NCOA2: variants seen among roughly 807,000 people sequenced by gnomAD.
NCOA2 encodes the protein class E basic helix-loop-helix protein 75.
NCOA2 carries 21 observed loss-of-function variants against 145.1 expected under a neutral mutation model. The ratio of observed to expected loss-of-function variants is 0.14; its 90% CI spans 0.10 to 0.21. The LOEUF (loss-of-function observed/expected upper bound fraction) is 0.21. Among genes scored for constraint, NCOA2 ranks in the 10% least tolerant of loss-of-function variants. The pLI is 1.00. For missense variants in NCOA2, 1,472 were observed against 1,837.6 expected, an observed-to-expected ratio of 0.80 and a Z score of 3.64; for synonymous variants, 619 against 637.5, an observed-to-expected ratio of 0.97 and a Z score of 0.44.
At chr8:70,255,922 T>G (rs1051825041) in intron 2 of NCOA2, among the ~76,000 whole-genome samples, 24 of 152,206 alleles carry the variant, frequency 1.6e-4, no homozygotes, top group Non-Finnish European at 2.8e-4. Flanking sequence ...GCTTGCTACA[T>G]GAATGGAAGC....
chr8:70,114,316 G>A (rs1447464244), intron 22 of NCOA2, among the ~76,000 whole-genome samples: 3 of 152,190 alleles, frequency 2.0e-5, no homozygotes. Flanking sequence ...GTGAGGCACT[G>A]CACCCGGCCT....
chr8:70,141,434 T>A (rs116409269), intron 13 of NCOA2, 35 bp from the exon 14 acceptor site: 1 of 1,566,102 alleles, frequency 6.4e-7, no homozygotes, highest in Non-Finnish European at 8.8e-7. Flanking sequence ...AGAGATGCAG[T>A]AACTGAAAAC....
intron 1 of NCOA2, among the ~76,000 whole-genome samples, chr8:70,298,442 T>C (rs1827243049): frequency 6.6e-6 from 1 of 152,148 alleles, no homozygotes; most frequent in African/African-American, 2.4e-5. Flanking sequence ...AAATAAGAAG[T>C]TATCACAGTA....
intron 1 of NCOA2, among the ~76,000 whole-genome samples, chr8:70,314,265 A>G (rs1323179283): frequency 6.6e-6 from 1 of 151,560 alleles, no homozygotes; most frequent in Admixed American, 6.6e-5. Context: ...AAAGTACAGA[A>G]TGCCACAAAG....
chr8:70,319,747 A>AC (rs1360158003), intron 1 of NCOA2, among the ~76,000 whole-genome samples: 7 of 152,180 alleles, frequency 4.6e-5, no homozygotes, highest in African/African-American at 1.4e-4. Context: ...ATGCAAGCAT[A>AC]CTTTCTTTAA....
chr8:70,239,220 G>C (rs1821912766), intron 2 of NCOA2, among the ~76,000 whole-genome samples: 1 of 152,042 alleles, frequency 6.6e-6, no homozygotes, highest in African/African-American at 2.4e-5. Flanking sequence ...AGGACAGAAG[G>C]GGCCTCAAAC....
chr8:70,343,138 TA>T (rs1808300883), intron 1 of NCOA2, among the ~76,000 whole-genome samples: 2 of 152,166 alleles, frequency 1.3e-5, no homozygotes, highest in African/African-American at 4.8e-5. Flanking sequence ...CATAGGTTAG[TA>T]AAAAGTTTCA....
At chr8:70,388,678 A>G (rs1270787982) in intron 1 of NCOA2, among the ~76,000 whole-genome samples, 1 of 151,556 alleles carries the variant, frequency 6.6e-6, no homozygotes, top group Non-Finnish European at 1.5e-5. Flanking sequence ...TAAACAAACA[A>G]ACCTGGTTAT....
intron 4 of NCOA2, among the ~76,000 whole-genome samples, chr8:70,202,093 T>A (rs1393399762): frequency 6.6e-6 from 1 of 152,206 alleles, no homozygotes; most frequent in Non-Finnish European, 1.5e-5. Context: ...ATGTTCAACA[T>A]CACTATTCAG....
intron 2 of NCOA2, among the ~76,000 whole-genome samples, chr8:70,224,842 C>A (rs1049525140): frequency 6.6e-6 from 1 of 151,792 alleles, no homozygotes; most frequent in African/African-American, 2.4e-5. Context: ...CAAAAACTGT[C>A]CAGGAAACAA....
In NCOA2 at chr8:70,167,583, C is replaced by T. The variant is rs772979410; in HGVS notation, c.542-829G>A. Among the ~76,000 whole-genome samples, 5 of 152,122 alleles carry T rather than the reference C, an allele frequency of 3.3e-5. No homozygotes were observed. The South Asian group carries it at 8.3e-4, about 25-fold the overall frequency. ...GTATATAGTTTATAACTTTGTTTTT[C>T]CTAAGTTGTTCAGTGGTAGTCTTTT... On this transcript the variant is annotated intron_variant, in intron 6 of 22. Transcript: ENST00000452400.
At chr8:70,240,145 C>A (rs1822001372) in intron 2 of NCOA2, among the ~76,000 whole-genome samples, 1 of 152,148 alleles carries the variant, frequency 6.6e-6, no homozygotes, top group Non-Finnish European at 1.5e-5. Context: ...CGGCCTTGAA[C>A]CTCCAGATAA....
intron 1 of NCOA2, among the ~76,000 whole-genome samples, chr8:70,396,918 C>T (rs1472827941): frequency 1.3e-5 from 2 of 152,166 alleles, no homozygotes; most frequent in African/African-American, 2.4e-5. Context: ...ATTTATTTCC[C>T]CCACTTAGTG....
intron 15 of NCOA2, among the ~76,000 whole-genome samples, chr8:70,135,323 G>A (rs1333649025): frequency 6.6e-6 from 1 of 152,126 alleles, no homozygotes; most frequent in Non-Finnish European, 1.5e-5. Context: ...AACAATTTAT[G>A]TTAAAAACAC....
intron 9 of NCOA2, among the ~76,000 whole-genome samples, chr8:70,161,446 T>C (rs900214158): frequency 1.3e-5 from 2 of 151,996 alleles, no homozygotes; most frequent in Non-Finnish European, 2.9e-5. Flanking sequence ...TGAAGAAAAA[T>C]GACGGAAGAC....
chr8:70,169,892 T>TCAG (rs1814037046), intron 6 of NCOA2, among the ~76,000 whole-genome samples: 1 of 143,096 alleles, frequency 7.0e-6, no homozygotes, highest in Non-Finnish European at 1.5e-5. Context: ...CCAAGCAAAA[T>TCAG]CATCATCATC....
intron 1 of NCOA2, among the ~76,000 whole-genome samples, chr8:70,300,310 A>T (rs4738087): frequency 6.6e-6 from 1 of 152,154 alleles, no homozygotes; most frequent in African/African-American, 2.4e-5. Context: ...AATTATACTT[A>T]AATTTTTAAA....
At chr8:70,333,697 C>G (rs537767123) in intron 1 of NCOA2, among the ~76,000 whole-genome samples, 23 of 152,308 alleles carry the variant, frequency 1.5e-4, no homozygotes, top group African/African-American at 5.1e-4. Flanking sequence ...ACTACCTGCA[C>G]TTGTCAATTC....
intron 1 of NCOA2, among the ~76,000 whole-genome samples, chr8:70,398,013 TC>T: frequency 6.6e-6 from 1 of 152,234 alleles, no homozygotes; most frequent in Admixed American, 6.5e-5. Context: ...CACTCTATGT[TC>T]CCCCTTTAAT....
Sources: gnomAD v4.1 joint callset for allele counts (sites outside exome capture counted in the v4.1 genomes callset) on GRCh38, gnomAD v4.1.1 for gene constraint, MANE v1.5 for transcripts, NCBI Gene and HGNC (gene_info 2026-07-23, HGNC 2026-07-21) for gene names.